The following MRLN variants were observed in gnomAD, a reference collection of about 807,000 sequenced individuals.
The protein encoded by MRLN is Linc-RNA activator of myogenesis.
chr10:59,738,813 A>G (rs912932559), intron 1 of MRLN: 4 of 152,188 alleles, frequency 2.6e-5, no homozygotes, highest in African/African-American at 9.6e-5. Flanking sequence ...GCAAACATTC[A>G]CCACACTTTT....
At chr10:59,738,798 G>C (rs1460192938) in intron 1 of MRLN, 1 of 152,122 alleles carries the variant, frequency 6.6e-6, no homozygotes, top group African/African-American at 2.4e-5. Flanking sequence ...GATTTTCCTG[G>C]TGGGGCAAAC....
At chr10:59,742,715 TTTCC>T (rs1399447809) in intron 1 of MRLN, among the ~76,000 whole-genome samples, 3 of 151,706 alleles carry the variant, frequency 2.0e-5, no homozygotes, top group Admixed American at 6.6e-5. Context: ...TTCCCTTTCT[TTTCC>T]TTCCTTCCTT....
chr10:59,746,652 C>T (rs1016925796), intron 1 of MRLN, among the ~76,000 whole-genome samples: 26 of 152,248 alleles, frequency 1.7e-4, no homozygotes, highest in Middle Eastern at 3.4e-3. Flanking sequence ...GACAGTTACC[C>T]CTCTGGCCCT....
intron 1 of MRLN, among the ~76,000 whole-genome samples, chr10:59,745,230 T>C (rs889784007): frequency 6.6e-6 from 1 of 152,216 alleles, no homozygotes. Context: ...ATTTTCAGGA[T>C]GAAATATTTC....
chr10:59,744,412 C>T (rs921429850), intron 1 of MRLN, among the ~76,000 whole-genome samples: 1 of 151,470 alleles, frequency 6.6e-6, no homozygotes. Flanking sequence ...GAAGTGAGGA[C>T]CCCCTCCGCC....
rs1370829725 is a variant in MRLN, at chr10:59,737,050, A to G, written c.*10T>C. The G allele has an allele frequency of 1.3e-5, 5 of 395,282 alleles. No homozygotes were observed. Among genetic ancestry groups the G allele is most frequent in the Admixed American group, 4.4e-5 (1 of 22,624 alleles). The allele number at this position is 395,282 out of a possible 1,614,324, so 24.5% of individuals were successfully genotyped here. The stretch of plus-strand genomic sequence containing the variant: ...CAGTTTGAAATGTACATGGAAAGGA[A>G]GTCAGCTTTCTAAGAAGTTATCACA... On this transcript the variant is annotated 3_prime_UTR_variant, in exon 3 of 3. Coordinates refer to ENST00000414264, the MANE Select transcript of MRLN (RefSeq NM_001304731.2).
At chr10:59,743,302 C>T (rs1841004549) in intron 1 of MRLN, among the ~76,000 whole-genome samples, 1 of 147,136 alleles carries the variant, frequency 6.8e-6, no homozygotes, top group African/African-American at 2.5e-5. Flanking sequence ...GGAAAGTAGT[C>T]TCATTACTGT....
At chr10:59,748,734 A>G (rs992544207) in intron 1 of MRLN, among the ~76,000 whole-genome samples, 1 of 152,234 alleles carries the variant, frequency 6.6e-6, no homozygotes, top group Non-Finnish European at 1.5e-5. Flanking sequence ...AGCTAGTGCT[A>G]CAATTGCCTC....
At chr10:59,750,948 G>A (rs1355036402) in intron 1 of MRLN, among the ~76,000 whole-genome samples, 1 of 152,238 alleles carries the variant, frequency 6.6e-6, no homozygotes, top group South Asian at 2.1e-4. Flanking sequence ...ATCCAAATGA[G>A]TGTCATTCCC....
At chr10:59,743,143 G>A (rs1200908684) in intron 1 of MRLN, among the ~76,000 whole-genome samples, 2 of 152,042 alleles carry the variant, frequency 1.3e-5, no homozygotes, top group Non-Finnish European at 2.9e-5. Context: ...GTGAAGTTTG[G>A]GTGGAAGGAA....
chr10:59,742,147 T>C (rs1229611468), intron 1 of MRLN, among the ~76,000 whole-genome samples: 2 of 152,172 alleles, frequency 1.3e-5, no homozygotes, highest in African/African-American at 4.8e-5. Context: ...TATCCAAACA[T>C]TGTAATAGCT....
chr10:59,739,759 T>C (rs1840961639), intron 1 of MRLN: 1 of 152,252 alleles, frequency 6.6e-6, no homozygotes, highest in Non-Finnish European at 1.5e-5. Flanking sequence ...CACTGCATAA[T>C]GACTTGAGTC....
chr10:59,749,550 TG>T (rs1841077733), intron 1 of MRLN, among the ~76,000 whole-genome samples: 2 of 152,020 alleles, frequency 1.3e-5, no homozygotes, highest in Non-Finnish European at 2.9e-5. Context: ...AAAAATTAGC[TG>T]GGCGTGGTGG....
chr10:59,748,545 T>G (rs1411045386), intron 1 of MRLN, among the ~76,000 whole-genome samples: 2 of 152,224 alleles, frequency 1.3e-5, no homozygotes, highest in South Asian at 2.1e-4. Flanking sequence ...GATTAAGACA[T>G]GATCTCAGGT....
At chr10:59,748,145 A>G (rs553718866) in intron 1 of MRLN, among the ~76,000 whole-genome samples, 1 of 152,044 alleles carries the variant, frequency 6.6e-6, no homozygotes, top group African/African-American at 2.4e-5. Context: ...TTGGAAGGCA[A>G]GAAAAACTTG....
chr10:59,749,050 G>A (rs141434316), intron 1 of MRLN, among the ~76,000 whole-genome samples: 176 of 152,276 alleles, frequency 1.2e-3, no homozygotes, highest in African/African-American at 4.1e-3. Context: ...TGAGATCCTG[G>A]CTCTTACCAC....
At chr10:59,742,927 A>G (rs1841000141) in intron 1 of MRLN, among the ~76,000 whole-genome samples, 1 of 152,010 alleles carries the variant, frequency 6.6e-6, no homozygotes, top group Non-Finnish European at 1.5e-5. Context: ...ACAGGGTCTC[A>G]CTATATTCCC....
intron 1 of MRLN, among the ~76,000 whole-genome samples, chr10:59,748,337 A>T (rs139699147): frequency 6.6e-6 from 1 of 152,236 alleles, no homozygotes; most frequent in African/African-American, 2.4e-5. Flanking sequence ...TTCAAGCTGC[A>T]TTTTCTGAGC....
intron 1 of MRLN, among the ~76,000 whole-genome samples, chr10:59,742,274 G>T (rs1840991735): frequency 6.6e-6 from 1 of 152,056 alleles, no homozygotes. Context: ...AAACAAAGAT[G>T]AATCTTACAA....
Sources: allele counts gnomAD v4.1 joint callset (sites outside exome capture counted in the v4.1 genomes callset), GRCh38; gene constraint gnomAD v4.1.1; transcripts MANE v1.5; gene names NCBI Gene and HGNC (gene_info 2026-07-23, HGNC 2026-07-21).